SLC24A2: variants seen among roughly 807,000 people sequenced by gnomAD.
SLC24A2 encodes the protein solute carrier family 24 member 2, also known as sodium/potassium/calcium exchanger 2.
A neutral mutation model predicts 62.0 loss-of-function variants in SLC24A2; 36 were observed. That is an observed-to-expected ratio of 0.58 (90% CI 0.44 to 0.77). The LOEUF (loss-of-function observed/expected upper bound fraction) is 0.77. SLC24A2 is among the 30% of genes least tolerant of loss of function. SLC24A2 has a pLI of 0.00. For missense variants in SLC24A2, 846 were observed against 817.9 expected, an observed-to-expected ratio of 1.03 and a Z score of -0.42; for synonymous variants, 358 against 294.0, an observed-to-expected ratio of 1.22 and a Z score of -2.23.
At chr9:19,712,595 C>G (rs1272304500) in intron 2 of SLC24A2, among the ~76,000 whole-genome samples, 1 of 152,160 alleles carries the variant, frequency 6.6e-6, no homozygotes, top group African/African-American at 2.4e-5. Context: ...TGGCCCTGAG[C>G]TATCTTCCAA....
intron 2 of SLC24A2, among the ~76,000 whole-genome samples, chr9:19,696,076 T>A (rs1820183047): frequency 1.3e-5 from 2 of 152,110 alleles, no homozygotes; most frequent in South Asian, 2.1e-4. Flanking sequence ...TTGTCTCCTG[T>A]CAGATCAGTG....
At chr9:20,124,952 G>A in the SLC24A2 span, among the ~76,000 whole-genome samples, 3 of 152,140 alleles carry the variant, frequency 2.0e-5, no homozygotes, top group East Asian at 3.9e-4. Flanking sequence ...ACCTTGTTAT[G>A]GTAGAAAGAG....
chr9:19,748,546 A>G (rs183952623), intron 2 of SLC24A2, among the ~76,000 whole-genome samples: 1 of 152,142 alleles, frequency 6.6e-6, no homozygotes, highest in Non-Finnish European at 1.5e-5. Context: ...ATGCCTGCAC[A>G]ATCTTAGGTG....
intron 2 of SLC24A2, among the ~76,000 whole-genome samples, chr9:19,725,722 G>A (rs1821150692): frequency 6.6e-6 from 1 of 152,136 alleles, no homozygotes; most frequent in Non-Finnish European, 1.5e-5. Flanking sequence ...TTTCATGAGT[G>A]AGAATTTGGT....
the SLC24A2 span, among the ~76,000 whole-genome samples, chr9:20,128,795 A>C: frequency 6.6e-6 from 1 of 152,114 alleles, no homozygotes; most frequent in East Asian, 1.9e-4. Context: ...CTCATACCAC[A>C]TACAAATTTA....
intron 5 of SLC24A2, among the ~76,000 whole-genome samples, chr9:19,588,850 A>T (rs573507229): frequency 1.3e-5 from 2 of 152,140 alleles, no homozygotes; most frequent in Non-Finnish European, 2.9e-5. Flanking sequence ...AATCCCAGCT[A>T]CCTGGGAGGC....
chr9:20,092,755 A>C, the SLC24A2 span, among the ~76,000 whole-genome samples: 24 of 152,180 alleles, frequency 1.6e-4, no homozygotes, highest in Non-Finnish European at 5.9e-5. Flanking sequence ...TGAGGACACA[A>C]AATTTGCTGT....
At chr9:19,848,710 T>C in the SLC24A2 span, among the ~76,000 whole-genome samples, 2 of 151,808 alleles carry the variant, frequency 1.3e-5, 1 homozygote, top group South Asian at 4.1e-4. Flanking sequence ...TAAAGGGTAG[T>C]AGGTGAGATA....
chr9:19,702,754 T>G (rs1475635048), intron 2 of SLC24A2, among the ~76,000 whole-genome samples: 1 of 152,184 alleles, frequency 6.6e-6, no homozygotes. Flanking sequence ...GTGTTTTATC[T>G]TGAGTTACCT....
In SLC24A2 at chr9:19,528,526, A is replaced by C. The variant is rs538605731; in HGVS notation, c.1480-388T>G. 1.4e-3 allele frequency among the ~76,000 whole-genome samples: 208 copies of C among 152,198 alleles called. 1 individual carries two copies. Among genetic ancestry groups the C allele is most frequent in the African/African-American group, 4.3e-3 (180 of 41,546 alleles). On this transcript the variant is annotated intron_variant, in intron 8 of 10. Coordinates refer to ENST00000341998, the MANE Select transcript of SLC24A2 (RefSeq NM_020344.4). ...TCTTTCTTTTGCTCCAGAGTTTGTCAGAATCAGTTTCTATTGCTTGCAAAC... is the reference window on the plus strand; with the variant it reads ...TCTTTCTTTTGCTCCAGAGTTTGTCCGAATCAGTTTCTATTGCTTGCAAAC...
At chr9:19,576,341 C>T (rs976491353) in intron 6 of SLC24A2, among the ~76,000 whole-genome samples, 11 of 152,198 alleles carry the variant, frequency 7.2e-5, no homozygotes, top group African/African-American at 2.7e-4. Flanking sequence ...CTGAATGTCA[C>T]AATCTTGTCA....
chr9:19,525,294 T>C (rs574592793), intron 9 of SLC24A2, among the ~76,000 whole-genome samples: 2 of 152,228 alleles, frequency 1.3e-5, no homozygotes, highest in South Asian at 4.1e-4. Flanking sequence ...TAACATGTAT[T>C]CTTTTAAAAA....
the SLC24A2 span, among the ~76,000 whole-genome samples, chr9:20,223,763 T>A: frequency 1.3e-5 from 2 of 152,132 alleles, no homozygotes; most frequent in African/African-American, 4.8e-5. Flanking sequence ...GGTGCTAGAA[T>A]AATTGGTTAT....
At chr9:19,644,729 G>A (rs911542409) in intron 2 of SLC24A2, among the ~76,000 whole-genome samples, 2 of 150,938 alleles carry the variant, frequency 1.3e-5, no homozygotes, top group African/African-American at 2.4e-5. Context: ...ACAAGTTCAT[G>A]TTTTTTTTTA....
chr9:20,126,046 G>A, the SLC24A2 span, among the ~76,000 whole-genome samples: 125 of 152,298 alleles, frequency 8.2e-4, no homozygotes, highest in Middle Eastern at 6.8e-3. Flanking sequence ...CACTGTGAGT[G>A]CTCACCCGAT....
At chr9:19,984,053 T>C in the SLC24A2 span, among the ~76,000 whole-genome samples, 1 of 152,202 alleles carries the variant, frequency 6.6e-6, no homozygotes, top group East Asian at 1.9e-4. Context: ...GAAAATATCA[T>C]AAGTCAAAAA....
the SLC24A2 span, among the ~76,000 whole-genome samples, chr9:20,104,810 G>A: frequency 7.2e-5 from 11 of 152,130 alleles, no homozygotes; most frequent in African/African-American, 2.7e-4. Flanking sequence ...AAAATAACCA[G>A]CTAACATCAT....
intron 2 of SLC24A2, among the ~76,000 whole-genome samples, chr9:19,755,993 A>C (rs751273949): frequency 1.8e-4 from 27 of 152,184 alleles, no homozygotes; most frequent in Non-Finnish European, 3.4e-4. Flanking sequence ...AGGAGAGACA[A>C]TCCCTTTGCA....
At chr9:19,592,675 C>A (rs1836593396) in intron 5 of SLC24A2, among the ~76,000 whole-genome samples, 1 of 152,108 alleles carries the variant, frequency 6.6e-6, no homozygotes, top group Non-Finnish European at 1.5e-5. Flanking sequence ...CACAAACTTG[C>A]CTACTTTTGA....
Sources: gnomAD v4.1 joint callset for allele counts (sites outside exome capture counted in the v4.1 genomes callset) on GRCh38, gnomAD v4.1.1 for gene constraint, MANE v1.5 for transcripts, NCBI Gene and HGNC (gene_info 2026-07-23, HGNC 2026-07-21) for gene names.